The following AGBL4 variants were observed in gnomAD, a reference collection of about 807,000 sequenced individuals.
The protein encoded by AGBL4 is cytosolic carboxypeptidase 6.
A neutral mutation model predicts 66.4 loss-of-function variants in AGBL4; 58 were observed. That is an observed-to-expected ratio of 0.87 (90% CI 0.71 to 1.09). The LOEUF (loss-of-function observed/expected upper bound fraction) is 1.09. AGBL4 is among the 50% of genes least tolerant of loss of function. The pLI, the probability that AGBL4 is intolerant of heterozygous loss-of-function variation, is 0.00. For missense variants in AGBL4, 579 were observed against 631.0 expected (o/e 0.92, Z 0.88); for synonymous variants, 234 against 222.9 (o/e 1.05, Z -0.44).
intron 5 of AGBL4, among the ~76,000 whole-genome samples, chr1:48,944,897 T>A (rs1272912766): frequency 6.6e-6 from 1 of 152,202 alleles, no homozygotes; most frequent in African/African-American, 2.4e-5. Flanking sequence ...TATTACAGAA[T>A]CTAACTCCAC....
chr1:50,022,049 T>C (rs1237556975), intron 1 of AGBL4, among the ~76,000 whole-genome samples: 1 of 152,228 alleles, frequency 6.6e-6, no homozygotes, highest in African/African-American at 2.4e-5. Flanking sequence ...TCGACCACTC[T>C]TTGCCCTTTT....
In AGBL4 at chr1:49,851,388, A is replaced by G. The variant is rs1646299923; in HGVS notation, c.157+8T>C. 6.5e-7 allele frequency: 1 copy of G among 1,544,878 alleles called. No homozygotes were observed. The highest frequency in any genetic ancestry group is 1.4e-5 in the African/African-American group (1 of 72,772). ...AAACTTAAAAGGAAAAGCCTTTAATATACTTACCACTTTCAAAGCAAGCAT... is the reference window on the plus strand; with the variant it reads ...AAACTTAAAAGGAAAAGCCTTTAATGTACTTACCACTTTCAAAGCAAGCAT... On this transcript the variant is annotated splice_region_variant and intron_variant, in intron 2 of 13. Coordinates refer to ENST00000371839, the MANE Select transcript of AGBL4 (RefSeq NM_032785.4).
chr1:48,715,744 T>A (rs1647039963), intron 6 of AGBL4, among the ~76,000 whole-genome samples: 1 of 152,340 alleles, frequency 6.6e-6, no homozygotes, highest in Non-Finnish European at 1.5e-5. Context: ...AATGGCATTT[T>A]AAATAAATAT....
In AGBL4 at chr1:49,371,219, A is replaced by G. The variant is rs538869290; in HGVS notation, c.283-125355T>C. 4.0e-5 allele frequency among the ~76,000 whole-genome samples: 6 copies of G among 149,380 alleles called. No homozygotes were observed. The East Asian group carries it at 5.9e-4, about 15-fold the overall frequency. ...TTAGATAGATAGATAGAAGATAGAT[A>G]GATAGATATATAGATAGATAGATAG... On this transcript the variant is annotated intron_variant, in intron 3 of 13. Coordinates refer to ENST00000371839, the MANE Select transcript of AGBL4 (RefSeq NM_032785.4).
At chr1:49,880,919 T>A (rs1444977185) in intron 1 of AGBL4, among the ~76,000 whole-genome samples, 1 of 152,000 alleles carries the variant, frequency 6.6e-6, no homozygotes, top group African/African-American at 2.4e-5. Flanking sequence ...AGTGACCCGA[T>A]TTTCCAGGTG....
chr1:48,715,437 T>A (rs969010705), intron 6 of AGBL4, among the ~76,000 whole-genome samples: 3 of 152,216 alleles, frequency 2.0e-5, no homozygotes, highest in African/African-American at 7.2e-5. Context: ...CCCTGTGCTA[T>A]GCGTTGGGAT....
At chr1:49,322,571 T>C (rs1233851388) in intron 3 of AGBL4, among the ~76,000 whole-genome samples, 2 of 152,172 alleles carry the variant, frequency 1.3e-5, no homozygotes, top group East Asian at 3.8e-4. Context: ...CTAAATCCAA[T>C]GTGTCATTAT....
chr1:50,001,094 G>A (rs1660717071), intron 1 of AGBL4, among the ~76,000 whole-genome samples: 1 of 151,064 alleles, frequency 6.6e-6, no homozygotes, highest in African/African-American at 2.4e-5. Context: ...ATTATTATTG[G>A]TTATGATTTT....
At chr1:48,818,354 A>T in intron 6 of AGBL4, 1 of 693,216 alleles carries the variant, frequency 1.4e-6, no homozygotes. Flanking sequence ...GGAGCCATAC[A>T]TGAAACATTG....
At chr1:48,544,519 C>A (rs1296702468) in intron 11 of AGBL4, among the ~76,000 whole-genome samples, 1 of 152,176 alleles carries the variant, frequency 6.6e-6, no homozygotes, top group African/African-American at 2.4e-5. Context: ...CCACTCCTTC[C>A]ACTGAGTAGT....
At chr1:48,628,915 G>A (rs2148407273) in intron 9 of AGBL4, among the ~76,000 whole-genome samples, 2 of 144,832 alleles carry the variant, frequency 1.4e-5, no homozygotes, top group South Asian at 2.2e-4. Flanking sequence ...TAACTGCCTG[G>A]AATTAAAATT....
At chr1:49,196,556 G>A (rs936613554) in intron 4 of AGBL4, among the ~76,000 whole-genome samples, 4 of 151,888 alleles carry the variant, frequency 2.6e-5, no homozygotes, top group African/African-American at 9.7e-5. Context: ...TTTCCTTTGG[G>A]GGTGTTATAA....
At chr1:49,866,624 C>T (rs981728966) in intron 1 of AGBL4, among the ~76,000 whole-genome samples, 8 of 151,924 alleles carry the variant, frequency 5.3e-5, no homozygotes, top group Non-Finnish European at 8.8e-5. Context: ...ATTAGCCGGG[C>T]GTGGTGGCAT....
intron 2 of AGBL4, among the ~76,000 whole-genome samples, chr1:49,848,345 T>C (rs577145590): frequency 1.1e-3 from 166 of 152,196 alleles, no homozygotes; most frequent in African/African-American, 3.7e-3. Context: ...AAAGAAGTCA[T>C]TATGTAAAAA....
At chr1:50,023,646 G>T in intron 1 of AGBL4, 117 bp downstream of exon 1, 1 of 1,263,476 alleles carries the variant, frequency 7.9e-7, no homozygotes, top group Non-Finnish European at 1.1e-6. Flanking sequence ...ATAACCCACC[G>T]CGCAAATATA....
chr1:49,215,150 C>A (rs1026811160), intron 4 of AGBL4, among the ~76,000 whole-genome samples: 18 of 152,084 alleles, frequency 1.2e-4, no homozygotes, highest in Non-Finnish European at 2.4e-4. Flanking sequence ...CCAGCATATG[C>A]AAATCCTAAC....
At chr1:49,590,949 T>C (rs1325931302) in intron 3 of AGBL4, among the ~76,000 whole-genome samples, 1 of 151,852 alleles carries the variant, frequency 6.6e-6, no homozygotes, top group Non-Finnish European at 1.5e-5. Flanking sequence ...TATTAGAAAA[T>C]ATGTTAGCAG....
At chr1:48,995,425 T>C (rs994484556) in intron 5 of AGBL4, among the ~76,000 whole-genome samples, 1 of 152,266 alleles carries the variant, frequency 6.6e-6, no homozygotes, top group Admixed American at 6.5e-5. Flanking sequence ...TGCTGGGCAT[T>C]ATTCTAGGTG....
chr1:49,826,926 T>C (rs751359136), intron 2 of AGBL4, among the ~76,000 whole-genome samples: 2 of 152,054 alleles, frequency 1.3e-5, no homozygotes, highest in African/African-American at 2.4e-5. Context: ...GCAGATATCA[T>C]AGGAGAAAGT....
Sources: allele counts gnomAD v4.1 joint callset (sites outside exome capture counted in the v4.1 genomes callset), GRCh38; gene constraint gnomAD v4.1.1; transcripts MANE v1.5; gene names NCBI Gene and HGNC (gene_info 2026-07-23, HGNC 2026-07-21).